Variants in PCTP observed in about 807,000 individuals in gnomAD.
PCTP encodes the protein START domain-containing protein 2.
Under a neutral mutation model 31.0 loss-of-function variants are expected in PCTP, and 27 were observed. The ratio of observed to expected loss-of-function variants is 0.87; its 90% confidence interval spans 0.64 to 1.20. The LOEUF is 1.20. Ranked by LOEUF, PCTP falls within the 50% of genes most tolerant of loss-of-function variation. PCTP has a pLI of 0.00. For synonymous variants in PCTP, 108 were observed against 101.2 expected, an observed-to-expected ratio of 1.07 and a Z score of -0.40; for missense variants, 287 against 268.2, an observed-to-expected ratio of 1.07 and a Z score of -0.49.
At chr17:55,768,756 A>G (rs897396522) in intron 2 of PCTP, 4 of 152,194 alleles carry the variant, frequency 2.6e-5, no homozygotes, top group Non-Finnish European at 5.9e-5. Flanking sequence ...CGACCAGGCT[A>G]TCGGTCTTAG....
intron 5 of PCTP, among the ~76,000 whole-genome samples, chr17:55,841,150 A>G (rs1905969573): frequency 6.6e-6 from 1 of 152,264 alleles, no homozygotes; most frequent in South Asian, 2.1e-4. Flanking sequence ...ACTTGAAATC[A>G]TAGTACATGG....
intron 2 of PCTP, among the ~76,000 whole-genome samples, chr17:55,768,321 T>C (rs1364465059): frequency 6.6e-6 from 1 of 152,060 alleles, no homozygotes; most frequent in Admixed American, 6.5e-5. Flanking sequence ...GATCCTCCCA[T>C]GTATCTAGGT....
At chr17:55,830,956 A>C (rs573104547) in intron 5 of PCTP, among the ~76,000 whole-genome samples, 1 of 152,182 alleles carries the variant, frequency 6.6e-6, no homozygotes, top group Non-Finnish European at 1.5e-5. Flanking sequence ...ACTGATACAA[A>C]GGCAGATTTG....
chr17:55,791,503 A>T (rs1489678109), intron 3 of PCTP, among the ~76,000 whole-genome samples: 1 of 148,354 alleles, frequency 6.7e-6, no homozygotes, highest in African/African-American at 2.5e-5. Flanking sequence ...AAGGACATGA[A>T]CAGACACTTC....
chr17:55,813,867 A>T (rs531828194), intron 3 of PCTP, among the ~76,000 whole-genome samples: 1 of 152,028 alleles, frequency 6.6e-6, no homozygotes, highest in Non-Finnish European at 1.5e-5. Flanking sequence ...ATATAGTGAG[A>T]CCTTGTTTTT....
intron 5 of PCTP, among the ~76,000 whole-genome samples, chr17:55,829,689 AACACACACACACACAC>A (rs3083340): frequency 1.4e-5 from 2 of 146,128 alleles, no homozygotes; most frequent in Non-Finnish European, 3.0e-5. Flanking sequence ...TAATAATTTA[AACACACACACACACAC>A]ACACACACAC....
intron 2 of PCTP, among the ~76,000 whole-genome samples, chr17:55,786,172 TACTCGGG>T (rs1911737652): frequency 7.0e-6 from 1 of 143,050 alleles, no homozygotes; most frequent in Admixed American, 6.7e-5. Context: ...TAATCCCAGC[TACTCGGG>T]AGCTGAGGCA....
chr17:55,836,956 A>G (rs1013576353), intron 5 of PCTP, among the ~76,000 whole-genome samples: 5 of 152,208 alleles, frequency 3.3e-5, no homozygotes, highest in African/African-American at 1.2e-4. Context: ...CAGGGAATAG[A>G]GAAGGTGTCC....
chr17:55,834,095 G>A (rs1207099138), intron 5 of PCTP, among the ~76,000 whole-genome samples: 2 of 152,164 alleles, frequency 1.3e-5, no homozygotes, highest in East Asian at 1.9e-4. Flanking sequence ...CTCAGGAGCT[G>A]ACTGAAACTA....
intron 5 of PCTP, among the ~76,000 whole-genome samples, chr17:55,839,877 G>A (rs1905908235): frequency 1.7e-5 from 2 of 116,432 alleles, no homozygotes; most frequent in Non-Finnish European, 3.2e-5. Flanking sequence ...CCGAGATCCC[G>A]CCACTGCACT....
chr17:55,773,730 T>G lies in PCTP; in HGVS notation c.346T>G (p.Tyr116Asp), dbSNP rs771647633. ...GCCTTAACTGGCTATGCAGTATGTC[T>G]ACCTTCGGCAGCGGCGAGACCTGGA... ...PFPMSNRDYV[Y>D]LRQRRDLDME... is the part of the protein sequence containing the mutation. The change falls in exon 4 of 6, where the codon TAC becomes GAC. Residue 116 changes from tyrosine (Y) to aspartate (D), a missense_variant. By Grantham distance (160) the Tyr-to-Asp change is radical (BLOSUM62 -3). Transcript: ENST00000268896. 1.2e-6 allele frequency: 2 copies of G among 1,612,536 alleles called. No individual in the cohort carries two copies. The highest frequency in any genetic ancestry group is 8.5e-7 in the Non-Finnish European group (1 of 1,178,966).
chr17:55,765,456 C>A (rs1003201665), intron 1 of PCTP, among the ~76,000 whole-genome samples: 1 of 152,110 alleles, frequency 6.6e-6, no homozygotes, highest in African/African-American at 2.4e-5. Context: ...CTTTGCTTTC[C>A]CTTTCCCCAG....
chr17:55,771,909 A>T (rs1911028174), intron 3 of PCTP, among the ~76,000 whole-genome samples: 1 of 152,148 alleles, frequency 6.6e-6, no homozygotes, highest in Non-Finnish European at 1.5e-5. Context: ...CAATCCCAGC[A>T]GCGGAGTGTT....
chr17:55,790,937 A>G (rs1293612973), intron 3 of PCTP, among the ~76,000 whole-genome samples: 3 of 151,428 alleles, frequency 2.0e-5, no homozygotes, highest in South Asian at 2.1e-4. Context: ...AAACAGCATG[A>G]TACTGGTACC....
At chr17:55,851,139 A>T in the PCTP span, among the ~76,000 whole-genome samples, 1 of 152,222 alleles carries the variant, frequency 6.6e-6, no homozygotes, top group Admixed American at 6.5e-5. Context: ...AGCTCTGGCC[A>T]TTGATGCCAA....
intron 5 of PCTP, among the ~76,000 whole-genome samples, chr17:55,831,622 C>T (rs1905598256): frequency 6.6e-6 from 1 of 152,126 alleles, no homozygotes; most frequent in Admixed American, 6.5e-5. Flanking sequence ...TGTTGTGTAC[C>T]AGGCATGCCT....
chr17:55,757,315 A>G (rs892415506), intron 1 of PCTP, among the ~76,000 whole-genome samples: 2 of 151,442 alleles, frequency 1.3e-5, no homozygotes, highest in African/African-American at 4.9e-5. Context: ...TGCACACTCA[A>G]TGCATGCTCA....
At chr17:55,840,841 T>C (rs1361599664) in intron 5 of PCTP, among the ~76,000 whole-genome samples, 1 of 152,230 alleles carries the variant, frequency 6.6e-6, no homozygotes, top group Non-Finnish European at 1.5e-5. Flanking sequence ...CAACATGATA[T>C]ACATTGGAGC....
chr17:55,819,110 T>C (rs1286205870), intron 3 of PCTP, among the ~76,000 whole-genome samples: 1 of 149,730 alleles, frequency 6.7e-6, no homozygotes, highest in Non-Finnish European at 1.5e-5. Context: ...GCGACACCCC[T>C]TCATGATAGA....
Sources: allele counts gnomAD v4.1 joint callset (sites outside exome capture counted in the v4.1 genomes callset), GRCh38; gene constraint gnomAD v4.1.1; transcripts MANE v1.5; gene names NCBI Gene and HGNC (gene_info 2026-07-23, HGNC 2026-07-21).